Variants in EFNB1 observed in about 807,000 individuals in gnomAD.
The protein encoded by EFNB1 is ephrin-B1.
In EFNB1, 1 loss-of-function variant was observed where a neutral mutation model predicts 18.1. The observed-to-expected ratio is 0.06, with a 90% CI of 0.02 to 0.26. EFNB1 has a LOEUF of 0.26. Among genes scored for constraint, EFNB1 ranks in the 10% least tolerant of loss-of-function variants. EFNB1 has a pLI of 1.00. For missense variants in EFNB1, 221 were observed against 301.8 expected, an observed-to-expected ratio of 0.73 and a Z score of 1.98; for synonymous variants, 131 against 127.5, an observed-to-expected ratio of 1.03 and a Z score of -0.19.
rs767055938 is a variant in EFNB1 at position 68,838,700 on chromosome X, G to A, written c.212G>A (p.Arg71Gln). 3.3e-6 allele frequency: 4 copies of A among 1,211,247 alleles called. No individual in the cohort carries two copies. The highest frequency in any genetic ancestry group is 5.9e-5 in the East Asian group (2 of 33,819). The change falls in exon 2 of 5, where the codon CGG (arginine) becomes CAG (glutamine). Residue 71 changes from arginine to glutamine, a missense_variant. Arg to Gln is a conservative substitution (Grantham distance 43). Coordinates refer to ENST00000204961, the MANE Select transcript of EFNB1 (RefSeq NM_004429.5). The stretch of plus-strand genomic sequence containing the variant: ...ATCTGCCCCCGAGCAGAAGCAGGGC[G>A]GCCCTATGAGTACTACAAGCTGTAC... ...DIICPRAEAGRPYEYYKLYLV... is the reference protein window; with the variant it reads ...DIICPRAEAGQPYEYYKLYLV...
intron 1 of EFNB1, among the ~76,000 whole-genome samples, chrX:68,834,519 C>T (rs762620903): frequency 1.2e-4 from 14 of 113,164 alleles, no homozygotes; most frequent in Non-Finnish European, 1.9e-4. Context: ...CACGCCTGGG[C>T]GGGCACTGCT....
chrX:68,840,963 C>A lies in EFNB1; in HGVS notation c.*309C>A. ...GCAGGGAGACAGTCCCCTGGCCCTG[C>A]CCCTCCCTCGCCCCCCTTGCCACCT... On this transcript the variant is annotated 3_prime_UTR_variant, in exon 5 of 5. Coordinates refer to ENST00000204961, the MANE Select transcript of EFNB1 (RefSeq NM_004429.5). The A allele has an allele frequency of 2.8e-6, 1 of 361,262 alleles. No homozygotes were observed. The highest frequency in any genetic ancestry group is 4.9e-6 in the Non-Finnish European group (1 of 206,155). The allele number at this position is 361,262 out of a possible 1,213,427, so 29.8% of individuals were successfully genotyped here.
In EFNB1 at chrX:68,840,679, C is replaced by A; in HGVS notation, c.*25C>A. On this transcript the variant is annotated 3_prime_UTR_variant, in exon 5 of 5. Transcript: ENST00000204961. ...AGTGCCCGGCACGGCCTCAGGCCCC[C>A]GAGGGACAGTCGGCCTGGACCGGAC... The A allele has an allele frequency of 8.4e-7, 1 of 1,196,418 alleles. No individual in the cohort carries two copies. Among genetic ancestry groups the A allele is most frequent in the East Asian group, 3.0e-5 (1 of 33,317 alleles).
At chrX:68,832,642 A>G (rs1055955216) in intron 1 of EFNB1, among the ~76,000 whole-genome samples, 3 of 110,890 alleles carry the variant, frequency 2.7e-5, no homozygotes, top group Non-Finnish European at 5.7e-5. Flanking sequence ...CTGGCCCAAG[A>G]CTCCCAAGCC....
At chrX:68,832,811 C>CGTGTGTGTGTCT (rs2080449906) in intron 1 of EFNB1, among the ~76,000 whole-genome samples, 1 of 97,358 alleles carries the variant, frequency 1.0e-5, no homozygotes, top group Non-Finnish European at 2.1e-5. Context: ...TCTGTGTGTG[C>CGTGTGTGTGTCT]GTGTGTGTGT....
intron 1 of EFNB1, among the ~76,000 whole-genome samples, chrX:68,831,627 G>A (rs1468135127): frequency 1.8e-5 from 2 of 111,226 alleles, no homozygotes; most frequent in African/African-American, 3.3e-5. Context: ...GCCTGGGGTA[G>A]CCCATCATAG....
At chrX:68,835,965 C>T (rs1314114643) in intron 1 of EFNB1, among the ~76,000 whole-genome samples, 6 of 111,391 alleles carry the variant, frequency 5.4e-5, no homozygotes, top group Admixed American at 9.5e-5. Flanking sequence ...AAGCCAGAAC[C>T]GAGTGGTTAG....
At position 68,839,633 on chromosome X, in the gene EFNB1, C is replaced by T. The variant is rs758420320; in HGVS notation, c.407-31C>T. The stretch of plus-strand genomic sequence containing the variant: ...CTAGTAGACCTTTCTCTCCTCCTGA[C>T]TTCTCTGACTTCTCTGGCCTCTTCC... On this transcript the variant is annotated intron_variant, in intron 2 of 4. Coordinates refer to ENST00000204961, the MANE Select transcript of EFNB1 (RefSeq NM_004429.5). The T allele has an allele frequency of 7.6e-6, 9 of 1,188,780 alleles. No individual in the cohort carries two copies. The African/African-American group carries it at 1.2e-4, about 16-fold the overall frequency.
chrX:68,840,717 C>T lies in EFNB1; in HGVS notation c.*63C>T, dbSNP rs930246458. 8.2e-6 allele frequency: 9 copies of T among 1,093,247 alleles called. No individual in the cohort carries two copies. Among genetic ancestry groups the T allele is most frequent in the Non-Finnish European group, 9.9e-6 (8 of 807,261 alleles). The allele number at this position is 1,093,247 out of a possible 1,213,427, so 90.1% of individuals were successfully genotyped here. On this transcript the variant is annotated 3_prime_UTR_variant, in exon 5 of 5. Coordinates refer to ENST00000204961, the MANE Select transcript of EFNB1 (RefSeq NM_004429.5). Reference sequence around the variant, plus strand: ...GCCTGGACCGGACCTCTCCTTTCGCCCCCACACCCCCTCCCCTTGCCAGCT... The same window carrying T: ...GCCTGGACCGGACCTCTCCTTTCGCTCCCACACCCCCTCCCCTTGCCAGCT...
intron 1 of EFNB1, among the ~76,000 whole-genome samples, chrX:68,833,854 A>T (rs919298944): frequency 8.9e-6 from 1 of 112,624 alleles, no homozygotes; most frequent in Non-Finnish European, 1.9e-5. Flanking sequence ...ATATGATCTC[A>T]TCGAATGCTC....
In EFNB1 at chrX:68,840,494, C is replaced by T. The variant is rs1393321263; in HGVS notation, c.881C>T (p.Thr294Ile). ...GCCAGTCCCAAGGGGGGCAGTGGCA[C>T]AGCGGGCACCGAGCCCAGCGACATC... ...TLASPKGGSGTAGTEPSDIII... is the reference protein window; with the variant it reads ...TLASPKGGSGIAGTEPSDIII... Residue 294 changes from threonine (T) to isoleucine (I), a missense_variant, in exon 5 of 5, where the codon ACA (threonine) becomes ATA (isoleucine). Physicochemically the swap from Thr to Ile is moderately conservative, Grantham distance 89. Transcript: ENST00000204961. The T allele has an allele frequency of 8.3e-7, 1 of 1,209,921 alleles. No homozygotes were observed. Among genetic ancestry groups the T allele is most frequent in the Non-Finnish European group, 1.1e-6 (1 of 894,829 alleles).
rs1266755786 is a variant in EFNB1 at position 68,840,702 on chromosome X, G to A, written c.*48G>A. 9 of 1,166,741 alleles carry A rather than the reference G, an allele frequency of 7.7e-6. No homozygotes were observed. The highest frequency in any genetic ancestry group is 1.0e-5 in the Non-Finnish European group (9 of 868,293). On this transcript the variant is annotated 3_prime_UTR_variant, in exon 5 of 5. Coordinates refer to ENST00000204961, the MANE Select transcript of EFNB1 (RefSeq NM_004429.5). ...CCCGAGGGACAGTCGGCCTGGACCGGACCTCTCCTTTCGCCCCCACACCCC... is the reference window on the plus strand; with the variant it reads ...CCCGAGGGACAGTCGGCCTGGACCGAACCTCTCCTTTCGCCCCCACACCCC...
intron 1 of EFNB1, 81 bp downstream of exon 1, chrX:68,829,985 G>A: frequency 9.0e-7 from 1 of 1,106,454 alleles, no homozygotes; most frequent in South Asian, 2.0e-5. Flanking sequence ...GTGCATGTGG[G>A]GAGGTCTTCG....
rs1291794313 is a variant in EFNB1, at chrX:68,832,131, A to G, written c.128+2227A>G. Among the ~76,000 whole-genome samples the G allele has an allele frequency of 3.6e-5, 4 of 110,492 alleles. 1 individual carries two copies. The highest frequency in any genetic ancestry group is 1.3e-4 in the African/African-American group (4 of 30,236). ...GCTTCTGCCACCGCGCCCAACCCTC[A>G]GGCTGCCACAGCCTTTCAAATAAAC... On this transcript the variant is annotated intron_variant, in intron 1 of 4. Coordinates refer to ENST00000204961, the MANE Select transcript of EFNB1 (RefSeq NM_004429.5).
At chrX:68,838,131 ATGTGTGTGTGTGTGTGTG>A (rs1193927663) in intron 1 of EFNB1, among the ~76,000 whole-genome samples, 4 of 55,548 alleles carry the variant, frequency 7.2e-5, no homozygotes, top group Admixed American at 2.1e-4. Flanking sequence ...GTGTGTGTGT[ATGTGTGTGTGTGTGTGTG>A]TGTGTGTGTG....
At position 68,829,739 on chromosome X, in the gene EFNB1, C is replaced by G; in HGVS notation, c.-38C>G. 8.5e-7 allele frequency: 1 copy of G among 1,174,699 alleles called. No homozygotes were observed. The highest frequency in any genetic ancestry group is 3.2e-5 in the East Asian group (1 of 31,532). On this transcript the variant is annotated 5_prime_UTR_variant, in exon 1 of 5. Transcript: ENST00000204961. ...GGCGAGGCGAGCTTTGGTGAGGAGG[C>G]GCCAAGGGATCCCGAAGTGCAGTCT...
chrX:68,838,172 T>TGTGTGTGC lies in EFNB1; in HGVS notation c.129-444_129-443insTGTGTGCG, dbSNP rs1414068420. 3.8e-3 allele frequency among the ~76,000 whole-genome samples: 121 copies of TGTGTGTGC among 31,712 alleles called. 1 individual carries two copies. Among genetic ancestry groups the TGTGTGTGC allele is most frequent in the Non-Finnish European group, 4.5e-3 (84 of 18,600 alleles). The allele number at this position is 31,712 out of a possible 115,157, so 27.5% of individuals were successfully genotyped here. ...GTGTGTGTGTGTGTGTGTGTGTGTG[T>TGTGTGTGC]GCGCGCGCGCGCGCGCACGTGTGTA... On this transcript the variant is annotated intron_variant, in intron 1 of 4. Coordinates refer to ENST00000204961, the MANE Select transcript of EFNB1 (RefSeq NM_004429.5).
intron 2 of EFNB1, 80 bp downstream of exon 2, chrX:68,838,974 G>A: frequency 2.7e-6 from 3 of 1,108,373 alleles, no homozygotes; most frequent in Non-Finnish European, 3.7e-6. Flanking sequence ...GAGCTTCTAA[G>A]TGGTGCAATG....
chrX:68,835,403 T>A, intron 1 of EFNB1, among the ~76,000 whole-genome samples: 1 of 111,458 alleles, frequency 9.0e-6, no homozygotes, highest in Non-Finnish European at 1.9e-5. Context: ...CTTCGGGATA[T>A]CTCTTCCTCC....
Sources: gnomAD v4.1 joint callset for allele counts (sites outside exome capture counted in the v4.1 genomes callset) on GRCh38, gnomAD v4.1.1 for gene constraint, MANE v1.5 for transcripts, NCBI Gene and HGNC (gene_info 2026-07-23, HGNC 2026-07-21) for gene names.